Variants in SLC4A4 observed in about 807,000 individuals in gnomAD.
SLC4A4 encodes the protein electrogenic sodium bicarbonate cotransporter 1.
SLC4A4 carries 27 observed loss-of-function variants against 111.5 expected under a neutral mutation model. The observed-to-expected ratio is 0.24, with a 90% CI of 0.18 to 0.33. The LOEUF (loss-of-function observed/expected upper bound fraction) is 0.33, where lower values mean the gene tolerates loss of function less well. Ranked by LOEUF, SLC4A4 falls within the 10% of genes least tolerant of loss-of-function variation. The pLI is 1.00. For synonymous variants in SLC4A4, 443 were observed against 463.4 expected (o/e 0.96, Z 0.57); for missense variants, 909 against 1,315.5 (o/e 0.69, Z 4.78).
chr4:71,158,365 C>T (rs1374161941), intron 2 of SLC4A4, among the ~76,000 whole-genome samples: 3 of 152,126 alleles, frequency 2.0e-5, no homozygotes, highest in Non-Finnish European at 4.4e-5. Flanking sequence ...AAAAGCAGTT[C>T]ATTTTATCAG....
intron 15 of SLC4A4, among the ~76,000 whole-genome samples, chr4:71,490,498 T>C (rs919292992): frequency 1.3e-5 from 2 of 151,786 alleles, no homozygotes; most frequent in East Asian, 3.9e-4. Context: ...AGCTTTCTTT[T>C]TGGGGGATCT....
chr4:71,098,238 C>A (rs1742616031), intron 2 of SLC4A4, among the ~76,000 whole-genome samples: 1 of 152,180 alleles, frequency 6.6e-6, no homozygotes, highest in Non-Finnish European at 1.5e-5. Flanking sequence ...CAATCTTCTA[C>A]ATATGGCTAG....
chr4:71,415,448 T>C, intron 7 of SLC4A4, among the ~76,000 whole-genome samples: 1 of 152,328 alleles, frequency 6.6e-6, no homozygotes, highest in Middle Eastern at 3.4e-3. Context: ...CTAGGAGCTT[T>C]TACCTATATC....
At chr4:71,446,435 A>G (rs1467672688) in intron 8 of SLC4A4, among the ~76,000 whole-genome samples, 2 of 152,144 alleles carry the variant, frequency 1.3e-5, no homozygotes, top group East Asian at 1.9e-4. Flanking sequence ...TCATTTTTGG[A>G]CTTCTGTTAA....
intron 2 of SLC4A4, among the ~76,000 whole-genome samples, chr4:71,180,839 C>A (rs59267854): frequency 0.092 from 14,011 of 152,012 alleles, 1,022 homozygotes; most frequent in African/African-American, 0.2. Flanking sequence ...CCAGCAATAC[C>A]ATTTGACCCA....
chr4:71,467,875 T>A (rs1346365898), intron 13 of SLC4A4, among the ~76,000 whole-genome samples: 2 of 123,798 alleles, frequency 1.6e-5, no homozygotes, highest in Non-Finnish European at 3.4e-5. Context: ...CTGGCACTCC[T>A]TGTTGGCATT....
At chr4:71,184,430 T>C (rs1365964774), upstream of SLC4A4, among the ~76,000 whole-genome samples, 1 of 152,232 alleles carries the variant, frequency 6.6e-6, no homozygotes, top group African/African-American at 2.4e-5. Context: ...TCCTCCTTTC[T>C]GTTTTCTTTA....
At chr4:71,500,071 C>T (rs1730770445) in intron 16 of SLC4A4, among the ~76,000 whole-genome samples, 1 of 152,178 alleles carries the variant, frequency 6.6e-6, no homozygotes, top group South Asian at 2.1e-4. Context: ...TACCTTTTCT[C>T]CACATCATCA....
intron 3 of SLC4A4, among the ~76,000 whole-genome samples, chr4:71,290,656 T>C (rs1724271399): frequency 6.6e-6 from 1 of 152,118 alleles, no homozygotes; most frequent in African/African-American, 2.4e-5. Context: ...GGTATCTGGG[T>C]TTTCAATATT....
At chr4:71,551,993 G>A (rs1464132692) in intron 20 of SLC4A4, among the ~76,000 whole-genome samples, 2 of 151,882 alleles carry the variant, frequency 1.3e-5, no homozygotes, top group Non-Finnish European at 2.9e-5. Context: ...GACCTTTGCA[G>A]CCATTCTTCT....
chr4:71,085,874 C>T (rs899822590), intron 1 of SLC4A4, among the ~76,000 whole-genome samples: 5 of 152,080 alleles, frequency 3.3e-5, no homozygotes, highest in African/African-American at 1.2e-4. Context: ...TTAGGATTGA[C>T]TTGGCAATGT....
At chr4:71,188,423 C>G (rs1330038375) in intron 1 of SLC4A4, among the ~76,000 whole-genome samples, 5 of 152,172 alleles carry the variant, frequency 3.3e-5, no homozygotes, top group Non-Finnish European at 5.9e-5. Context: ...TTGGCTTACC[C>G]TCCCCATTTC....
chr4:71,237,371 G>A (rs1719883387), intron 2 of SLC4A4, among the ~76,000 whole-genome samples: 1 of 151,952 alleles, frequency 6.6e-6, no homozygotes, highest in Admixed American at 6.6e-5. Context: ...TTATATGAAG[G>A]CATCACAGAT....
At chr4:71,113,975 C>T (rs772463062) in intron 2 of SLC4A4, among the ~76,000 whole-genome samples, 66 of 152,166 alleles carry the variant, frequency 4.3e-4, no homozygotes, top group Admixed American at 1.1e-3. Flanking sequence ...AGGCCGGGCG[C>T]GGTGGCTCAC....
intron 7 of SLC4A4, among the ~76,000 whole-genome samples, chr4:71,410,097 G>A (rs1459414758): frequency 3.3e-5 from 5 of 152,172 alleles, no homozygotes; most frequent in Admixed American, 6.5e-5. Context: ...CTGCAGGGGT[G>A]GGGCCCTTAT....
Position 71,464,379 on chromosome 4 carries a change from T to C in SLC4A4, c.1498-2065T>C, listed in dbSNP as rs1289969894. 3.3e-5 allele frequency among the ~76,000 whole-genome samples: 5 copies of C among 152,188 alleles called. No homozygotes were observed. The East Asian group carries it at 9.6e-4, about 29-fold the overall frequency. The stretch of plus-strand genomic sequence containing the variant: ...TGGCCTAGGATAACCTTTTTCTGTC[T>C]TCTCTGCATAAATACATCTTGGTTC... On this transcript the variant is annotated intron_variant, in intron 12 of 25. Transcript: ENST00000264485.
rs1736836089 is a variant in SLC4A4 at position 71,560,140 on chromosome 4, C to T, written c.2985C>T (p.Ser995=). ...AVRKGMDYLF[S]QHDLSFLDDV... ...GAAAAGGCATGGACTACCTCTTCTC[C>T]CAGCACGACCTCAGCTTCCTGGATG... The change falls in exon 23 of 26, where the codon TCC becomes TCT. Residue 995 remains serine, a synonymous_variant. Transcript: ENST00000264485. 1 of 1,611,250 alleles carries T rather than the reference C, an allele frequency of 6.2e-7. No homozygotes were observed. The highest frequency in any genetic ancestry group is 8.5e-7 in the Non-Finnish European group (1 of 1,178,064).
At chr4:71,463,691 C>T (rs1386954140) in intron 12 of SLC4A4, among the ~76,000 whole-genome samples, 2 of 152,256 alleles carry the variant, frequency 1.3e-5, no homozygotes, top group East Asian at 3.9e-4. Flanking sequence ...AGCAACAATG[C>T]CTGTTGACCT....
chr4:71,190,896 G>C (rs544491650), intron 1 of SLC4A4, among the ~76,000 whole-genome samples: 2 of 152,070 alleles, frequency 1.3e-5, no homozygotes, highest in South Asian at 2.1e-4. Context: ...GAATATAGAC[G>C]GTTCCAGACT....
Sources: allele counts gnomAD v4.1 joint callset (sites outside exome capture counted in the v4.1 genomes callset), GRCh38; gene constraint gnomAD v4.1.1; transcripts MANE v1.5; gene names NCBI Gene and HGNC (gene_info 2026-07-23, HGNC 2026-07-21).